PDE3B: variants seen among roughly 807,000 people sequenced by gnomAD.
PDE3B encodes the protein phosphodiesterase 3B.
In PDE3B, 66 loss-of-function variants were observed where a neutral mutation model predicts 116.8. That is an observed-to-expected ratio of 0.56 (90% CI 0.46 to 0.69). PDE3B has a LOEUF of 0.69. Among genes scored for constraint, PDE3B ranks in the 30% least tolerant of loss-of-function variants. The pLI, the probability that PDE3B is intolerant of heterozygous loss-of-function variation, is 0.00. For missense variants in PDE3B, 1,384 were observed against 1,368.1 expected, an observed-to-expected ratio of 1.01 and a Z score of -0.18; for synonymous variants, 595 against 533.6, an observed-to-expected ratio of 1.12 and a Z score of -1.59.
chr11:14,692,606 G>A (rs937580924), intron 1 of PDE3B, among the ~76,000 whole-genome samples: 8 of 151,934 alleles, frequency 5.3e-5, no homozygotes, highest in African/African-American at 1.2e-4. Flanking sequence ...TGTGATCAGC[G>A]ATCTTTGATG....
chr11:14,731,744 G>T (rs189447415), intron 1 of PDE3B, among the ~76,000 whole-genome samples: 9 of 152,262 alleles, frequency 5.9e-5, no homozygotes, highest in Non-Finnish European at 1.0e-4. Context: ...AGTAGTAAAA[G>T]AAATTTTTAA....
chr11:14,693,696 G>A (rs1374929834), intron 1 of PDE3B, among the ~76,000 whole-genome samples: 1 of 152,166 alleles, frequency 6.6e-6, no homozygotes, highest in African/African-American at 2.4e-5. Context: ...CTCATTGACA[G>A]TGCAGCTAGT....
At chr11:14,802,157 C>T (rs182383050) in intron 4 of PDE3B, among the ~76,000 whole-genome samples, 19 of 152,286 alleles carry the variant, frequency 1.2e-4, no homozygotes, top group Admixed American at 4.6e-4. Context: ...GTCTTGCTGG[C>T]GTTCCAGGTG....
At chr11:14,748,894 T>C (rs1467901601) in intron 1 of PDE3B, among the ~76,000 whole-genome samples, 18 of 150,944 alleles carry the variant, frequency 1.2e-4, no homozygotes, top group East Asian at 3.9e-4. Flanking sequence ...TTCTTTCTTT[T>C]TTTTTTTTTT....
intron 1 of PDE3B, among the ~76,000 whole-genome samples, chr11:14,724,112 A>ATTTTT (rs1181260479): frequency 0.015 from 2,359 of 152,262 alleles, 58 homozygotes; most frequent in African/African-American, 0.054. Flanking sequence ...AGATGGACTA[A>ATTTTT]GGTATTGGCA....
intron 1 of PDE3B, among the ~76,000 whole-genome samples, chr11:14,767,852 A>G (rs1395891838): frequency 1.3e-5 from 2 of 151,402 alleles, no homozygotes; most frequent in Non-Finnish European, 3.0e-5. Context: ...CTAATATTCT[A>G]TTACAATTTC....
At chr11:14,715,955 C>T (rs1452846671) in intron 1 of PDE3B, among the ~76,000 whole-genome samples, 3 of 152,156 alleles carry the variant, frequency 2.0e-5, no homozygotes, top group Non-Finnish European at 4.4e-5. Flanking sequence ...GTCTACAGCT[C>T]CCAGCGTGAG....
intron 12 of PDE3B, among the ~76,000 whole-genome samples, chr11:14,847,186 T>A (rs1180847713): frequency 6.6e-6 from 1 of 152,022 alleles, no homozygotes; most frequent in African/African-American, 2.4e-5. Flanking sequence ...ATTAAGACAC[T>A]CACTCAAAAC....
chr11:14,850,981 AT>A (rs143254814), intron 12 of PDE3B, among the ~76,000 whole-genome samples: 455 of 103,384 alleles, frequency 4.4e-3, no homozygotes, highest in African/African-American at 0.011. Flanking sequence ...ACACCCAGCT[AT>A]TTTTTTTTTT....
chr11:14,759,686 C>A (rs548638134), intron 1 of PDE3B, among the ~76,000 whole-genome samples: 4 of 151,476 alleles, frequency 2.6e-5, no homozygotes, highest in African/African-American at 9.7e-5. Flanking sequence ...GTAGCTGGGA[C>A]TACAGGTGTG....
intron 5 of PDE3B, among the ~76,000 whole-genome samples, chr11:14,806,885 A>G (rs1329442520): frequency 4.6e-5 from 7 of 151,752 alleles, no homozygotes; most frequent in African/African-American, 1.7e-4. Flanking sequence ...AAAAAAGAAA[A>G]AAAAGAAAAT....
At chr11:14,850,353 G>T (rs997158843) in intron 12 of PDE3B, among the ~76,000 whole-genome samples, 4 of 152,088 alleles carry the variant, frequency 2.6e-5, no homozygotes, top group African/African-American at 9.7e-5. Context: ...TGGGGGAAGG[G>T]GGGAGGGATA....
At chr11:14,876,735 A>G (rs1270521683), downstream of PDE3B, among the ~76,000 whole-genome samples, 1 of 152,196 alleles carries the variant, frequency 6.6e-6, no homozygotes, top group African/African-American at 2.4e-5. Flanking sequence ...CATGTGCTCC[A>G]TGAGCTAGCC....
chr11:14,854,437 G>T (rs1469836552), intron 12 of PDE3B, among the ~76,000 whole-genome samples: 4 of 151,910 alleles, frequency 2.6e-5, no homozygotes, highest in Admixed American at 2.6e-4. Context: ...CATTTACATA[G>T]TTCCCACTCA....
intron 1 of PDE3B, among the ~76,000 whole-genome samples, chr11:14,677,905 G>A (rs1182282800): frequency 6.6e-6 from 1 of 152,148 alleles, no homozygotes; most frequent in Non-Finnish European, 1.5e-5. Flanking sequence ...TTGATTGGAT[G>A]TACCTGTTTA....
chr11:14,880,272 T>C, the PDE3B span: 1 of 1,613,196 alleles, frequency 6.2e-7, no homozygotes, highest in Non-Finnish European at 8.5e-7. Flanking sequence ...ATGGGTCATT[T>C]TTACCTTGAT....
intron 5 of PDE3B, among the ~76,000 whole-genome samples, chr11:14,811,577 T>G (rs1341984742): frequency 6.6e-6 from 1 of 152,236 alleles, no homozygotes; most frequent in Non-Finnish European, 1.5e-5. Flanking sequence ...GGTAGTGTGA[T>G]GCCTCCAGCT....
At chr11:14,722,085 C>T (rs184666585) in intron 1 of PDE3B, among the ~76,000 whole-genome samples, 3 of 150,818 alleles carry the variant, frequency 2.0e-5, no homozygotes, top group East Asian at 3.9e-4. Flanking sequence ...CGCATGTTCT[C>T]ACTCATAGGT....
rs754875745 is a variant in PDE3B at position 14,786,594 on chromosome 11, C to G, written c.1187C>G (p.Pro396Arg). The G allele has an allele frequency of 1.9e-5, 31 of 1,612,508 alleles. No homozygotes were observed. The highest frequency in any genetic ancestry group is 2.5e-5 in the Non-Finnish European group (29 of 1,178,908). The change falls in exon 3 of 16, where the codon CCA becomes CGA. Residue 396 changes from proline to arginine, a missense_variant. Physicochemically the swap from Pro to Arg is moderately radical, Grantham distance 103. Coordinates refer to ENST00000282096, the MANE Select transcript of PDE3B (RefSeq NM_000922.4). ...GGTGCTTTCTCAGGTTCCTGTAGGC[C>G]AAAGATTAATCCTCTCACACCATTT... Reference protein sequence around the residue: ...LMGAFSGSCRPKINPLTPFPG... With the variant: ...LMGAFSGSCRRKINPLTPFPG...
Sources: allele counts gnomAD v4.1 joint callset (sites outside exome capture counted in the v4.1 genomes callset), GRCh38; gene constraint gnomAD v4.1.1; transcripts MANE v1.5; gene names NCBI Gene and HGNC (gene_info 2026-07-23, HGNC 2026-07-21).